Variants in TAF8 observed in about 807,000 individuals in gnomAD.
TAF8 encodes the protein transcription initiation factor TFIID subunit 8.
TAF8 carries 47 observed loss-of-function variants against 36.5 expected under a neutral mutation model. The observed-to-expected ratio is 1.29, with a 90% CI of 1.02 to 1.64. The LOEUF (loss-of-function observed/expected upper bound fraction) is 1.64. Ranked by LOEUF, TAF8 falls within the 40% of genes most tolerant of loss-of-function variation. The pLI, the probability that TAF8 is intolerant of heterozygous loss-of-function variation, is 0.00. For missense variants in TAF8, 420 were observed against 407.6 expected, an observed-to-expected ratio of 1.03 and a Z score of -0.26; for synonymous variants, 175 against 159.5, an observed-to-expected ratio of 1.10 and a Z score of -0.73.
chr6:42,066,980 G>T (rs1054815660), intron 6 of TAF8, among the ~76,000 whole-genome samples: 3 of 152,192 alleles, frequency 2.0e-5, no homozygotes, highest in African/African-American at 7.2e-5. Context: ...AACAGCAGCT[G>T]CCGGTTGTTA....
At position 42,079,803 on chromosome 6, in the gene TAF8, C is replaced by G; in HGVS notation, c.*2258C>G. On this transcript the variant is annotated 3_prime_UTR_variant, in exon 9 of 9. Transcript: ENST00000372977. ...TCCTGGCCTCAAGTGATCCACCCGC[C>G]TTGGCCTTCCAAAGTGTTGAGATTA... is the stretch of plus-strand genomic sequence containing the variant. 1 of 973,012 alleles carries G rather than the reference C, an allele frequency of 1.0e-6. No homozygotes were observed. Among genetic ancestry groups the G allele is most frequent in the Non-Finnish European group, 1.2e-6 (1 of 818,944 alleles). The allele number at this position is 973,012 out of a possible 1,614,324, so 60.3% of individuals were successfully genotyped here.
At chr6:42,055,158 AG>A (rs1764931530) in intron 2 of TAF8, among the ~76,000 whole-genome samples, 1 of 152,040 alleles carries the variant, frequency 6.6e-6, no homozygotes, top group East Asian at 1.9e-4. Flanking sequence ...TCCTGACCTC[AG>A]GTGATCCACT....
chr6:42,077,082 T>G lies in TAF8; in HGVS notation c.781-18T>G. The stretch of plus-strand genomic sequence containing the variant: ...TTATGCTGTTGATGTTGTGCTTTAT[T>G]TTGGCTTTTGCTCAAAGGAGGATTC... On this transcript the variant is annotated intron_variant, in intron 7 of 8. Transcript: ENST00000372977. 1 of 1,605,312 alleles carries G rather than the reference T, an allele frequency of 6.2e-7. No individual in the cohort carries two copies. The highest frequency in any genetic ancestry group is 8.5e-7 in the Non-Finnish European group (1 of 1,174,038).
At chr6:42,056,131 C>T (rs1282336924) in intron 4 of TAF8, 117 bp downstream of exon 4, 2 of 715,524 alleles carry the variant, frequency 2.8e-6, no homozygotes, top group Admixed American at 4.2e-5. Flanking sequence ...GGCTCTCTTC[C>T]AATGTTTGGG....
Position 42,077,097 on chromosome 6 carries a change from A to G in TAF8, c.781-3A>G. 2 of 1,610,410 alleles carry G rather than the reference A, an allele frequency of 1.2e-6. No individual in the cohort carries two copies. The highest frequency in any genetic ancestry group is 2.2e-5 in the East Asian group (1 of 44,726). ...TGTGCTTTATTTTGGCTTTTGCTCA[A>G]AGGAGGATTCTGGAGCCGAGAAGGA... On this transcript the variant is annotated splice_polypyrimidine_tract_variant and splice_region_variant and intron_variant, in intron 7 of 8. Coordinates refer to ENST00000372977, the MANE Select transcript of TAF8 (RefSeq NM_138572.3).
At chr6:42,084,758 T>C (rs185557629), downstream of TAF8, among the ~76,000 whole-genome samples, 5 of 152,324 alleles carry the variant, frequency 3.3e-5, no homozygotes, top group East Asian at 9.6e-4. Context: ...CTACTGCACC[T>C]GGCCTCATTT....
chr6:42,056,986 A>G (rs1182958985), intron 4 of TAF8, among the ~76,000 whole-genome samples: 1 of 152,106 alleles, frequency 6.6e-6, no homozygotes, highest in Non-Finnish European at 1.5e-5. Flanking sequence ...GGAAGGTGCC[A>G]TTTTCAATCC....
In TAF8 at chr6:42,078,700, G is replaced by A; in HGVS notation, c.*1155G>A. On this transcript the variant is annotated 3_prime_UTR_variant, in exon 9 of 9. Transcript: ENST00000372977. ...GAGAGATTTACCATTTATTGCCCCT[G>A]TGAGGAATGTGTGCTTGGGAACTGC... The A allele has an allele frequency of 2.0e-6, 2 of 985,460 alleles. No individual in the cohort carries two copies. The highest frequency in any genetic ancestry group is 2.4e-6 in the Non-Finnish European group (2 of 829,956). 61.0% of individuals were successfully genotyped at this position (985,460 alleles called of 1,614,324 possible).
chr6:42,085,278 C>A (rs1245911713), downstream of TAF8, among the ~76,000 whole-genome samples: 1 of 152,136 alleles, frequency 6.6e-6, no homozygotes. Flanking sequence ...TAACTTATGA[C>A]CGGTTTTCTA....
chr6:42,086,851 C>T, downstream of TAF8: 1 of 1,155,620 alleles, frequency 8.7e-7, no homozygotes, highest in Non-Finnish European at 1.3e-6. Context: ...GCTCTGTGCT[C>T]CTTCCAGCCC....
chr6:42,070,257 G>A (rs1052067987), intron 7 of TAF8, among the ~76,000 whole-genome samples: 2 of 152,176 alleles, frequency 1.3e-5, no homozygotes, highest in Non-Finnish European at 2.9e-5. Context: ...GGGAGGCTGA[G>A]GTGGGCAGAT....
At chr6:42,061,408 T>G (rs1354444602) in intron 5 of TAF8, among the ~76,000 whole-genome samples, 1 of 152,168 alleles carries the variant, frequency 6.6e-6, no homozygotes, top group African/African-American at 2.4e-5. Flanking sequence ...TGTCACAATC[T>G]CCAGAGTTAT....
chr6:42,070,082 G>A (rs185983366), intron 7 of TAF8, among the ~76,000 whole-genome samples: 10 of 152,208 alleles, frequency 6.6e-5, no homozygotes, highest in African/African-American at 1.9e-4. Context: ...GCGAAGACCT[G>A]GAGTAAATTC....
chr6:42,075,758 A>G (rs1277509056), intron 7 of TAF8, among the ~76,000 whole-genome samples: 1 of 152,214 alleles, frequency 6.6e-6, no homozygotes, highest in Non-Finnish European at 1.5e-5. Context: ...AAGACAGGAT[A>G]ACTGACTGCT....
chr6:42,073,791 C>A (rs781177156), intron 7 of TAF8, among the ~76,000 whole-genome samples: 1 of 152,094 alleles, frequency 6.6e-6, no homozygotes, highest in Admixed American at 6.5e-5. Context: ...TGTTTCTGAG[C>A]TTCTTAAAGC....
intron 7 of TAF8, among the ~76,000 whole-genome samples, chr6:42,072,460 C>T (rs1467666215): frequency 6.6e-6 from 1 of 152,222 alleles, no homozygotes; most frequent in Non-Finnish European, 1.5e-5. Flanking sequence ...TCTTATGTAG[C>T]CTTCTAGAGA....
chr6:42,072,215 T>G (rs1260215030), intron 7 of TAF8, among the ~76,000 whole-genome samples: 1 of 152,242 alleles, frequency 6.6e-6, no homozygotes, highest in African/African-American at 2.4e-5. Flanking sequence ...CCCTGCTGTT[T>G]TAGGCTATCT....
chr6:42,050,685 C>G, intron 1 of TAF8, 99 bp downstream of exon 1: 1 of 1,367,582 alleles, frequency 7.3e-7, no homozygotes, highest in Non-Finnish European at 9.8e-7. Flanking sequence ...AATTCAGCCC[C>G]ATCATGAGCT....
intron 5 of TAF8, among the ~76,000 whole-genome samples, chr6:42,062,145 ACAAATTT>A (rs1012768550): frequency 2.0e-4 from 30 of 152,170 alleles, no homozygotes; most frequent in African/African-American, 6.3e-4. Context: ...GAAGAGAAAA[ACAAATTT>A]CATATTTGTA....
Sources: gnomAD v4.1 joint callset for allele counts (sites outside exome capture counted in the v4.1 genomes callset) on GRCh38, gnomAD v4.1.1 for gene constraint, MANE v1.5 for transcripts, NCBI Gene and HGNC (gene_info 2026-07-23, HGNC 2026-07-21) for gene names.